The following INTS6 variants were observed in gnomAD, a reference collection of about 807,000 sequenced individuals.
The protein encoded by INTS6 is DEAD box protein.
A neutral mutation model predicts 104.9 loss-of-function variants in INTS6; 16 were observed. The observed-to-expected ratio is 0.15, with a 90% CI of 0.10 to 0.23. The LOEUF (loss-of-function observed/expected upper bound fraction) is 0.23, where lower values mean the gene tolerates loss of function less well. INTS6 is among the 10% of genes least tolerant of loss of function. The pLI, the probability that INTS6 is intolerant of heterozygous loss-of-function variation, is 1.00. For synonymous variants in INTS6, 324 were observed against 358.7 expected, an observed-to-expected ratio of 0.90 and a Z score of 1.09; for missense variants, 584 against 1,062.8, an observed-to-expected ratio of 0.55 and a Z score of 6.26.
chr13:51,395,681 G>A (rs2137967913), intron 4 of INTS6, among the ~76,000 whole-genome samples, 198 bp from the exon 5 acceptor site: 1 of 152,240 alleles, frequency 6.6e-6, no homozygotes, highest in Admixed American at 6.5e-5. Context: ...TTACTTTGAA[G>A]ATATAGACTG....
chr13:51,404,773 TA>T (rs1451270050), intron 4 of INTS6, among the ~76,000 whole-genome samples: 1 of 152,210 alleles, frequency 6.6e-6, no homozygotes, highest in Non-Finnish European at 1.5e-5. Flanking sequence ...AGTGGCCTAG[TA>T]CCAATGAACT....
At chr13:51,335,585 G>A in the INTS6 span, among the ~76,000 whole-genome samples, 2 of 152,216 alleles carry the variant, frequency 1.3e-5, no homozygotes, top group Admixed American at 6.5e-5. Flanking sequence ...TATATGCATA[G>A]TGTATAACCT....
In INTS6 at chr13:51,361,971, C is replaced by A; in HGVS notation, c.*3781G>T. 1.2e-6 allele frequency: 2 copies of A among 1,610,928 alleles called. No individual in the cohort carries two copies. The highest frequency in any genetic ancestry group is 4.5e-5 in the East Asian group (2 of 44,750). ...CAACAAGGGCTCATTTGTCCACTAT[C>A]CCCTCAAAAATAAGCATTCTTTCTA... On this transcript the variant is annotated 3_prime_UTR_variant, in exon 18 of 18. Transcript: ENST00000311234.
chr13:51,404,101 C>CAGAG (rs1284476434), intron 4 of INTS6, among the ~76,000 whole-genome samples: 47 of 129,986 alleles, frequency 3.6e-4, no homozygotes, highest in African/African-American at 1.4e-3. Flanking sequence ...CACACACACA[C>CAGAG]ACAGAGAGAG....
downstream of INTS6, among the ~76,000 whole-genome samples, chr13:51,350,053 T>G (rs1411588835): frequency 6.6e-6 from 1 of 152,184 alleles, no homozygotes; most frequent in East Asian, 1.9e-4. Flanking sequence ...AGGCAGGGAT[T>G]TACCTCTCAT....
At chr13:51,425,881 G>C (rs1956976304) in intron 4 of INTS6, among the ~76,000 whole-genome samples, 1 of 151,856 alleles carries the variant, frequency 6.6e-6, no homozygotes, top group Non-Finnish European at 1.5e-5. Context: ...AAGTAATATA[G>C]TTTTATCGTG....
chr13:51,413,529 A>G (rs1031472932), intron 4 of INTS6, among the ~76,000 whole-genome samples: 5 of 152,246 alleles, frequency 3.3e-5, no homozygotes, highest in Admixed American at 1.3e-4. Flanking sequence ...ACTCAAAATG[A>G]GCAAAAAAAT....
At chr13:51,341,019 C>T in the INTS6 span, 3 of 1,546,556 alleles carry the variant, frequency 1.9e-6, no homozygotes, top group Non-Finnish European at 2.6e-6. Context: ...TGGGACATGG[C>T]CCTCTTTCAT....
chr13:51,410,653 G>C (rs1956666918), intron 4 of INTS6, among the ~76,000 whole-genome samples: 1 of 151,974 alleles, frequency 6.6e-6, no homozygotes, highest in Non-Finnish European at 1.5e-5. Context: ...ACTAGGAAAA[G>C]ATCTCTTAAA....
rs553631782 is a variant in INTS6, at chr13:51,380,083, T to C, written c.1276-511A>G. On this transcript the variant is annotated intron_variant, in intron 10 of 17. Coordinates refer to ENST00000311234, the MANE Select transcript of INTS6 (RefSeq NM_012141.3). ...AATACCTACTCTTACAGGGTTGTCA[T>C]GGGATTAAATGAGTTAATACACATA... 9.2e-5 allele frequency among the ~76,000 whole-genome samples: 14 copies of C among 152,192 alleles called. No homozygotes were observed. The East Asian group carries it at 2.7e-3, about 29-fold the overall frequency.
At chr13:51,439,167 T>C (rs1470508673) in intron 3 of INTS6, 2 of 152,168 alleles carry the variant, frequency 1.3e-5, no homozygotes, top group African/African-American at 4.8e-5. Context: ...TCTCACATAT[T>C]CAGAACTGTT....
intron 3 of INTS6, chr13:51,446,346 C>T (rs1459992145): frequency 6.6e-6 from 1 of 152,078 alleles, no homozygotes; most frequent in East Asian, 1.9e-4. Context: ...TAAATAAAAA[C>T]CACAATGAGA....
At chr13:51,358,742 A>C (rs549274317), downstream of INTS6, among the ~76,000 whole-genome samples, 1 of 152,244 alleles carries the variant, frequency 6.6e-6, no homozygotes, top group South Asian at 2.1e-4. Flanking sequence ...GTAAAAACCC[A>C]TAGAAGATGT....
chr13:51,434,451 T>C (rs1343246256), intron 3 of INTS6, among the ~76,000 whole-genome samples: 4 of 152,116 alleles, frequency 2.6e-5, no homozygotes, highest in Non-Finnish European at 5.9e-5. Context: ...AAAAATATTA[T>C]TATCATCCTC....
chr13:51,373,836 C>T (rs1955862246), intron 15 of INTS6, among the ~76,000 whole-genome samples: 2 of 152,342 alleles, frequency 1.3e-5, no homozygotes, highest in South Asian at 4.1e-4. Flanking sequence ...CTCCTGTCTT[C>T]AGTGGTATAC....
chr13:51,357,710 G>A (rs1955502704), downstream of INTS6, among the ~76,000 whole-genome samples: 2 of 151,916 alleles, frequency 1.3e-5, no homozygotes, highest in Non-Finnish European at 2.9e-5. Context: ...CAGCTTTTAA[G>A]AGTAATTCCA....
chr13:51,453,004 C>T lies in INTS6; in HGVS notation c.-479G>A, dbSNP rs1018356926. 9.9e-7 allele frequency: 1 copy of T among 1,012,228 alleles called. No individual in the cohort carries two copies. Among genetic ancestry groups the T allele is most frequent in the South Asian group, 3.7e-5 (1 of 27,380 alleles). 62.7% of individuals were successfully genotyped at this position (1,012,228 alleles called of 1,614,324 possible). Reference sequence around the variant, plus strand: ...GACTCCCTCCGCACCCCGGCGGTGTCACCACTTTCTCAGCCCCTCTCGCTA... The same window carrying T: ...GACTCCCTCCGCACCCCGGCGGTGTTACCACTTTCTCAGCCCCTCTCGCTA... On this transcript the variant is annotated 5_prime_UTR_variant, in exon 1 of 18. Transcript: ENST00000311234.
chr13:51,344,378 TG>T, the INTS6 span: 7 of 1,613,258 alleles, frequency 4.3e-6, no homozygotes, highest in Non-Finnish European at 5.9e-6. Context: ...CCCTGCTTTG[TG>T]GAGCACGTCT....
chr13:51,441,184 C>T (rs1952791003), intron 3 of INTS6: 1 of 152,142 alleles, frequency 6.6e-6, no homozygotes, highest in African/African-American at 2.4e-5. Flanking sequence ...GAACCAGGCA[C>T]AGCCAGTTCT....
Sources: allele counts gnomAD v4.1 joint callset (sites outside exome capture counted in the v4.1 genomes callset), GRCh38; gene constraint gnomAD v4.1.1; transcripts MANE v1.5; gene names NCBI Gene and HGNC (gene_info 2026-07-23, HGNC 2026-07-21).